Variants in SLC25A21 observed in about 807,000 individuals in gnomAD.
SLC25A21 encodes mitochondrial 2-oxodicarboxylate carrier.
SLC25A21 carries 47 observed loss-of-function variants against 43.8 expected under a neutral mutation model. That is an observed-to-expected ratio of 1.07 (90% confidence interval 0.85 to 1.37). SLC25A21 has a LOEUF of 1.37. Ranked by LOEUF, SLC25A21 falls within the 40% of genes most tolerant of loss-of-function variation. The pLI, the probability that SLC25A21 is intolerant of heterozygous loss-of-function variation, is 0.00. For missense variants in SLC25A21, 352 were observed against 350.2 expected (o/e 1.00, Z -0.04); for synonymous variants, 131 against 121.3 (o/e 1.08, Z -0.52).
intron 1 of SLC25A21, among the ~76,000 whole-genome samples, chr14:36,945,953 C>T (rs1391501610): frequency 6.6e-6 from 1 of 152,014 alleles, no homozygotes; most frequent in African/African-American, 2.4e-5. Context: ...CATTCAAAGT[C>T]CAAAATAAGA....
rs141672880 is a variant in SLC25A21 at position 36,989,879 on chromosome 14, T to C, written c.71-114875A>G. On this transcript the variant is annotated intron_variant, in intron 1 of 9. Transcript: ENST00000331299. ...AAGTTAGGATATGAGCATATGACTT[T>C]CCTTTTCAAAAAAAAAGGGAGAGAG... Among the ~76,000 whole-genome samples, 39 of 149,986 alleles carry C rather than the reference T, an allele frequency of 2.6e-4. 1 individual carries two copies. The highest frequency in any genetic ancestry group is 9.4e-4 in the African/African-American group (38 of 40,362).
intron 1 of SLC25A21, among the ~76,000 whole-genome samples, chr14:37,142,499 C>T (rs145393540): frequency 7.9e-5 from 12 of 152,242 alleles, no homozygotes; most frequent in Admixed American, 4.6e-4. Context: ...TAGCTGGGAC[C>T]GCAGACAGGT....
At chr14:37,116,940 G>C (rs1963117378) in intron 1 of SLC25A21, among the ~76,000 whole-genome samples, 1 of 152,114 alleles carries the variant, frequency 6.6e-6, no homozygotes, top group Non-Finnish European at 1.5e-5. Flanking sequence ...ATAACTTGTA[G>C]TATTGGGTGC....
chr14:36,945,472 G>A (rs762067330), intron 1 of SLC25A21, among the ~76,000 whole-genome samples: 8 of 152,094 alleles, frequency 5.3e-5, no homozygotes, highest in Non-Finnish European at 7.4e-5. Flanking sequence ...CGTGTTCATC[G>A]ACAGATGAAT....
intron 1 of SLC25A21, among the ~76,000 whole-genome samples, chr14:37,054,690 C>A (rs1243157500): frequency 1.4e-5 from 2 of 148,078 alleles, no homozygotes; most frequent in Admixed American, 6.7e-5. Context: ...AAGACTGTGG[C>A]CTTCAGTAAT....
At chr14:36,893,013 G>A (rs1213773356) in intron 1 of SLC25A21, among the ~76,000 whole-genome samples, 2 of 152,140 alleles carry the variant, frequency 1.3e-5, no homozygotes, top group East Asian at 1.9e-4. Flanking sequence ...AAACATACGT[G>A]TGCATGTGTC....
intron 7 of SLC25A21, among the ~76,000 whole-genome samples, chr14:36,709,014 T>G (rs990710538): frequency 1.4e-4 from 22 of 152,048 alleles, no homozygotes; most frequent in African/African-American, 2.4e-4. Context: ...ATCTTTTTTT[T>G]TTTGTTTTTT....
chr14:37,160,845 G>A (rs112303847), intron 1 of SLC25A21, among the ~76,000 whole-genome samples: 7 of 151,702 alleles, frequency 4.6e-5, no homozygotes, highest in African/African-American at 1.2e-4. Flanking sequence ...CAGGAGAATC[G>A]CTTGAACCCA....
At chr14:36,998,377 G>A (rs1332009920) in intron 1 of SLC25A21, among the ~76,000 whole-genome samples, 1 of 152,112 alleles carries the variant, frequency 6.6e-6, no homozygotes, top group Non-Finnish European at 1.5e-5. Context: ...GACAGATTTG[G>A]AATACGGACA....
At chr14:36,783,053 G>A (rs1887128109) in intron 3 of SLC25A21, among the ~76,000 whole-genome samples, 1 of 151,724 alleles carries the variant, frequency 6.6e-6, no homozygotes. Flanking sequence ...ATCCTGCAAA[G>A]CCATGTCAGG....
intron 1 of SLC25A21, among the ~76,000 whole-genome samples, chr14:36,948,947 A>G (rs972630801): frequency 3.9e-5 from 6 of 152,172 alleles, no homozygotes; most frequent in Admixed American, 2.0e-4. Flanking sequence ...TCCCTATAGG[A>G]CAACACTTGG....
At chr14:36,785,949 C>T (rs999812730) in intron 3 of SLC25A21, among the ~76,000 whole-genome samples, 36 of 152,290 alleles carry the variant, frequency 2.4e-4, no homozygotes, top group African/African-American at 8.4e-4. Flanking sequence ...TGAAATCTTG[C>T]TTTGATAAGT....
chr14:37,145,758 A>C (rs375358980), intron 1 of SLC25A21, among the ~76,000 whole-genome samples: 1 of 152,188 alleles, frequency 6.6e-6, no homozygotes, highest in Admixed American at 6.5e-5. Context: ...ACTTCTTCTA[A>C]CTATTCCTGG....
intron 1 of SLC25A21, among the ~76,000 whole-genome samples, chr14:37,064,392 G>A (rs1050950799): frequency 1.5e-4 from 23 of 152,028 alleles, no homozygotes; most frequent in African/African-American, 5.6e-4. Context: ...ATAATTGCAT[G>A]AGCCAGTTGA....
At chr14:37,025,995 C>T (rs565586167) in intron 1 of SLC25A21, among the ~76,000 whole-genome samples, 3 of 152,010 alleles carry the variant, frequency 2.0e-5, no homozygotes, top group Admixed American at 6.6e-5. Flanking sequence ...CGATGGGAGT[C>T]GGGAGCTAAC....
At chr14:36,960,983 A>C (rs1959476799) in intron 1 of SLC25A21, among the ~76,000 whole-genome samples, 1 of 152,198 alleles carries the variant, frequency 6.6e-6, no homozygotes, top group African/African-American at 2.4e-5. Flanking sequence ...TCCCCACTGT[A>C]AAAGATCTAG....
Position 36,680,266 on chromosome 14 carries a change from A to C in SLC25A21, c.*392T>G. The stretch of plus-strand genomic sequence containing the variant: ...ATCCAGTCTTTGAATAATTTGATTT[A>C]TTTTCAATAGTTTAAGCATTTCTAG... On this transcript the variant is annotated 3_prime_UTR_variant, in exon 10 of 10. Coordinates refer to ENST00000331299, the MANE Select transcript of SLC25A21 (RefSeq NM_030631.4). 1 of 960,826 alleles carries C rather than the reference A, an allele frequency of 1.0e-6. No individual in the cohort carries two copies. The highest frequency in any genetic ancestry group is 1.2e-6 in the Non-Finnish European group (1 of 809,172). The allele number at this position is 960,826 out of a possible 1,614,324, so 59.5% of individuals were successfully genotyped here.
At chr14:36,838,321 A>G (rs1889277801) in intron 2 of SLC25A21, among the ~76,000 whole-genome samples, 1 of 152,222 alleles carries the variant, frequency 6.6e-6, no homozygotes, top group South Asian at 2.1e-4. Context: ...TTTATAAAAG[A>G]GCTGTAGTAC....
rs576038668 is a variant in SLC25A21 at position 36,746,012 on chromosome 14, TA to T, written c.204-11440del. On this transcript the variant is annotated intron_variant, in intron 3 of 9. Coordinates refer to ENST00000331299, the MANE Select transcript of SLC25A21 (RefSeq NM_030631.4). The stretch of plus-strand genomic sequence containing the variant: ...CGCTTCTACACTGCTGGTGGAAATG[TA>T]AAATATTACAACCTCTATGGAAAAC... Among the ~76,000 whole-genome samples the T allele has an allele frequency of 1.4e-3, 209 of 152,250 alleles. 2 individuals are homozygous for T. The highest frequency in any genetic ancestry group is 4.8e-3 in the African/African-American group (198 of 41,546).
Sources: allele counts gnomAD v4.1 joint callset (sites outside exome capture counted in the v4.1 genomes callset), GRCh38; gene constraint gnomAD v4.1.1; transcripts MANE v1.5; gene names NCBI Gene and HGNC (gene_info 2026-07-23, HGNC 2026-07-21).